The following CPVL variants were observed in gnomAD, a reference collection of about 807,000 sequenced individuals.
CPVL encodes the protein probable serine carboxypeptidase CPVL.
In CPVL, 51 loss-of-function variants were observed where a neutral mutation model predicts 63.7. The ratio of observed to expected loss-of-function variants is 0.80; its 90% confidence interval spans 0.64 to 1.01. The LOEUF is 1.01. Among genes scored for constraint, CPVL ranks in the 50% least tolerant of loss-of-function variants. CPVL has a pLI of 0.00. For synonymous variants in CPVL, 195 were observed against 206.0 expected (o/e 0.95, Z 0.46); for missense variants, 530 against 573.1 (o/e 0.92, Z 0.77).
At chr7:29,024,809 TA>T (rs1426511234) in intron 12 of CPVL, among the ~76,000 whole-genome samples, 1 of 152,188 alleles carries the variant, frequency 6.6e-6, no homozygotes, top group Non-Finnish European at 1.5e-5. Flanking sequence ...GGACATTCAT[TA>T]CCATTGGACT....
intron 5 of CPVL, among the ~76,000 whole-genome samples, chr7:29,163,748 A>G (rs1042152785): frequency 6.6e-6 from 1 of 152,170 alleles, no homozygotes; most frequent in East Asian, 1.9e-4. Flanking sequence ...ATTACTATAG[A>G]TTAGCTTGCA....
chr7:29,124,717 TA>T (rs1789805392), intron 1 of CPVL, among the ~76,000 whole-genome samples: 2 of 152,210 alleles, frequency 1.3e-5, no homozygotes, highest in Admixed American at 1.3e-4. Context: ...AAAAATATGA[TA>T]AAATATTATT....
intron 12 of CPVL, chr7:29,011,803 A>C: frequency 6.6e-6 from 1 of 152,250 alleles, no homozygotes. Flanking sequence ...CTATAATTTT[A>C]ATTTTAGTGA....
chr7:29,023,413 G>A lies in CPVL; in HGVS notation c.1320+7164C>T, dbSNP rs532092598. ...TCTCACAAGACTTACTCACTATCAC[G>A]AGAATAGCACAGGAAAGACCTGCTC... On this transcript the variant is annotated intron_variant, in intron 12 of 12. Coordinates refer to ENST00000265394, the MANE Select transcript of CPVL (RefSeq NM_031311.5). Among the ~76,000 whole-genome samples the A allele has an allele frequency of 1.7e-4, 26 of 152,210 alleles. No individual in the cohort carries two copies. The South Asian group carries it at 2.9e-3, about 17-fold the overall frequency.
intron 5 of CPVL, among the ~76,000 whole-genome samples, chr7:29,169,080 A>G (rs1044000173): frequency 6.8e-6 from 1 of 147,164 alleles, no homozygotes; most frequent in African/African-American, 2.7e-5. Context: ...TATATAAGAA[A>G]TTTATCTCCC....
intron 11 of CPVL, among the ~76,000 whole-genome samples, chr7:29,060,626 T>C (rs1275189080): frequency 6.6e-6 from 1 of 152,232 alleles, no homozygotes; most frequent in Admixed American, 6.5e-5. Context: ...AAAAGGATTA[T>C]GTTTTCACGT....
intron 3 of CPVL, among the ~76,000 whole-genome samples, chr7:29,096,826 A>C (rs1416450111): frequency 6.6e-6 from 1 of 152,048 alleles, no homozygotes; most frequent in Non-Finnish European, 1.5e-5. Flanking sequence ...TCTACTAAAA[A>C]TACAAAAAGT....
intron 5 of CPVL, among the ~76,000 whole-genome samples, chr7:29,155,117 C>G (rs566327516): frequency 3.0e-4 from 45 of 152,212 alleles, no homozygotes; most frequent in Non-Finnish European, 4.9e-4. Flanking sequence ...TACCTCCCAC[C>G]AGGTCCCTCC....
chr7:28,996,928 C>T (rs947542333), intron 12 of CPVL, among the ~76,000 whole-genome samples: 4 of 152,176 alleles, frequency 2.6e-5, no homozygotes, highest in African/African-American at 4.8e-5. Flanking sequence ...CAATGAAATG[C>T]GCTAGTCTTA....
At chr7:29,103,163 A>G (rs2128620206) in intron 3 of CPVL, among the ~76,000 whole-genome samples, 1 of 105,786 alleles carries the variant, frequency 9.5e-6, no homozygotes, top group Middle Eastern at 5.2e-3. Flanking sequence ...TATCACTGAA[A>G]CAGTAAGTTA....
At chr7:29,141,179 C>A (rs1791830843) in intron 1 of CPVL, among the ~76,000 whole-genome samples, 1 of 152,218 alleles carries the variant, frequency 6.6e-6, no homozygotes, top group African/African-American at 2.4e-5. Flanking sequence ...TGTGCAAACG[C>A]CTAACACAGT....
At chr7:29,035,732 G>A (rs1314258594) in intron 11 of CPVL, among the ~76,000 whole-genome samples, 1 of 152,208 alleles carries the variant, frequency 6.6e-6, no homozygotes, top group African/African-American at 2.4e-5. Context: ...ATGGTTTCAT[G>A]TGGTGCTGTA....
At chr7:29,090,779 G>A (rs1025330227) in intron 6 of CPVL, among the ~76,000 whole-genome samples, 3 of 152,160 alleles carry the variant, frequency 2.0e-5, no homozygotes, top group Non-Finnish European at 4.4e-5. Context: ...CATCTTGTTC[G>A]TGAAAAAGTT....
At chr7:29,115,177 T>A (rs1430525961) in intron 2 of CPVL, among the ~76,000 whole-genome samples, 1 of 152,350 alleles carries the variant, frequency 6.6e-6, no homozygotes, top group Non-Finnish European at 1.5e-5. Context: ...ATATGAACCC[T>A]TAGCCTAGCA....
intron 11 of CPVL, among the ~76,000 whole-genome samples, chr7:29,041,449 A>G (rs988159548): frequency 1.3e-5 from 2 of 152,134 alleles, no homozygotes; most frequent in Admixed American, 6.5e-5. Context: ...ATCTCTCCAG[A>G]GGAGGAATGT....
intron 2 of CPVL, among the ~76,000 whole-genome samples, chr7:29,113,243 T>C (rs1414191283): frequency 6.6e-6 from 1 of 152,110 alleles, no homozygotes; most frequent in Admixed American, 6.5e-5. Context: ...GAAGCAGCTC[T>C]CGGCCTCGCC....
intron 7 of CPVL, chr7:29,082,328 A>T (rs981871846): frequency 1.3e-5 from 2 of 152,206 alleles, no homozygotes; most frequent in African/African-American, 4.8e-5. Context: ...TTAGATGAAA[A>T]GCAGAGGCCC....
intron 3 of CPVL, among the ~76,000 whole-genome samples, chr7:29,111,016 C>A (rs1245101414): frequency 6.6e-6 from 1 of 152,206 alleles, no homozygotes; most frequent in Non-Finnish European, 1.5e-5. Flanking sequence ...CTTAGAGCCT[C>A]CAGAAGTACC....
chr7:29,040,918 G>GA (rs1262272455), intron 11 of CPVL, among the ~76,000 whole-genome samples: 1 of 152,008 alleles, frequency 6.6e-6, no homozygotes, highest in Non-Finnish European at 1.5e-5. Context: ...ATGATCTTTG[G>GA]AAAAAAGCTC....
Sources: allele counts gnomAD v4.1 joint callset (sites outside exome capture counted in the v4.1 genomes callset), GRCh38; gene constraint gnomAD v4.1.1; transcripts MANE v1.5; gene names NCBI Gene and HGNC (gene_info 2026-07-23, HGNC 2026-07-21).